The following SLC35F3 variants were observed in gnomAD, a reference collection of about 807,000 sequenced individuals.
SLC35F3 encodes solute carrier family 35 member F3.
SLC35F3 carries 25 observed loss-of-function variants against 49.9 expected under a neutral mutation model. The observed-to-expected ratio is 0.50, with a 90% CI of 0.37 to 0.70. The LOEUF (loss-of-function observed/expected upper bound fraction) is 0.70, where lower values mean the gene tolerates loss of function less well. Ranked by LOEUF, SLC35F3 falls within the 30% of genes least tolerant of loss-of-function variation. SLC35F3 has a pLI of 0.00. For synonymous variants in SLC35F3, 275 were observed against 265.4 expected, an observed-to-expected ratio of 1.04 and a Z score of -0.35; for missense variants, 525 against 639.8, an observed-to-expected ratio of 0.82 and a Z score of 1.94.
intron 2 of SLC35F3, among the ~76,000 whole-genome samples, chr1:234,172,614 C>T (rs887123013): frequency 6.6e-6 from 1 of 152,178 alleles, no homozygotes; most frequent in African/African-American, 2.4e-5. Flanking sequence ...CATCATTGTG[C>T]AAACATCATA....
At chr1:234,110,610 G>A (rs755356951) in intron 2 of SLC35F3, among the ~76,000 whole-genome samples, 19 of 152,276 alleles carry the variant, frequency 1.2e-4, no homozygotes, top group Non-Finnish European at 1.3e-4. Flanking sequence ...TTTTTAGTAA[G>A]CAAAAGAATG....
chr1:234,140,365 A>G (rs915133560), intron 2 of SLC35F3, among the ~76,000 whole-genome samples: 2 of 152,190 alleles, frequency 1.3e-5, no homozygotes, highest in Non-Finnish European at 2.9e-5. Flanking sequence ...AAATTTTATT[A>G]TAGGATATTA....
chr1:234,196,253 A>G (rs1417994522), intron 2 of SLC35F3, among the ~76,000 whole-genome samples: 1 of 152,226 alleles, frequency 6.6e-6, no homozygotes, highest in African/African-American at 2.4e-5. Context: ...CTCTTTTCCA[A>G]GAAATTTCTG....
intron 3 of SLC35F3, chr1:234,274,532 C>T (rs1230293027): frequency 1.3e-5 from 2 of 152,182 alleles, no homozygotes; most frequent in Non-Finnish European, 2.9e-5. Flanking sequence ...CAAGTGGGAT[C>T]CCTGGATAGT....
At chr1:234,236,928 TATATATATA>T (rs1667481922) in intron 3 of SLC35F3, among the ~76,000 whole-genome samples, 1 of 18,340 alleles carries the variant, frequency 5.5e-5, no homozygotes, top group East Asian at 6.0e-4. Context: ...AAAAAAATTA[TATATATATA>T]TATATATATA....
chr1:234,018,145 G>A (rs1663832637), intron 2 of SLC35F3, among the ~76,000 whole-genome samples: 1 of 152,154 alleles, frequency 6.6e-6, no homozygotes, highest in Non-Finnish European at 1.5e-5. Context: ...GTCCACAAAT[G>A]TCTGTGAAAA....
At chr1:234,290,330 AAT>A (rs1668486858) in intron 3 of SLC35F3, among the ~76,000 whole-genome samples, 1 of 152,254 alleles carries the variant, frequency 6.6e-6, no homozygotes, top group Admixed American at 6.5e-5. Context: ...AATTCTCAAA[AAT>A]GATATGATAT....
intron 2 of SLC35F3, among the ~76,000 whole-genome samples, chr1:233,983,724 T>A (rs184015785): frequency 4.4e-4 from 66 of 151,664 alleles, no homozygotes; most frequent in Non-Finnish European, 9.0e-4. Flanking sequence ...CCAATATACA[T>A]AACTTCAAAT....
chr1:234,190,676 A>G (rs1042074963), intron 2 of SLC35F3, among the ~76,000 whole-genome samples: 1 of 152,230 alleles, frequency 6.6e-6, no homozygotes, highest in Non-Finnish European at 1.5e-5. Context: ...AAAGTCAACA[A>G]AGACATACTG....
At chr1:233,996,646 T>C (rs1397157042) in intron 2 of SLC35F3, among the ~76,000 whole-genome samples, 2 of 152,160 alleles carry the variant, frequency 1.3e-5, no homozygotes, top group Non-Finnish European at 2.9e-5. Context: ...ATGGTGATCA[T>C]TTTCACTCAC....
chr1:234,268,302 A>C (rs1668034951), intron 3 of SLC35F3, among the ~76,000 whole-genome samples: 2 of 151,822 alleles, frequency 1.3e-5, no homozygotes, highest in Admixed American at 6.6e-5. Flanking sequence ...AAAAAAAACG[A>C]AAACCAGTCA....
intron 2 of SLC35F3, among the ~76,000 whole-genome samples, chr1:234,151,221 A>T (rs1315223228): frequency 6.6e-6 from 1 of 151,774 alleles, no homozygotes; most frequent in Non-Finnish European, 1.5e-5. Context: ...GAGCCAGGAA[A>T]TCCCAGAAAG....
intron 2 of SLC35F3, among the ~76,000 whole-genome samples, chr1:234,119,281 G>A (rs1038832678): frequency 6.6e-6 from 1 of 150,490 alleles, no homozygotes; most frequent in African/African-American, 2.4e-5. Context: ...GCCTTATAGG[G>A]CCTCTCAATT....
chr1:234,170,854 GC>G (rs2102918761), intron 2 of SLC35F3, among the ~76,000 whole-genome samples: 1 of 152,212 alleles, frequency 6.6e-6, no homozygotes, highest in Non-Finnish European at 1.5e-5. Context: ...CTTTGATGTG[GC>G]CTTGCCGTGG....
chr1:233,940,424 G>T (rs1662401642), intron 2 of SLC35F3, among the ~76,000 whole-genome samples: 2 of 151,820 alleles, frequency 1.3e-5, no homozygotes, highest in South Asian at 4.2e-4. Flanking sequence ...AAGTGGTTCT[G>T]CAGCACCTGC....
chr1:234,056,179 A>G (rs549170888), intron 2 of SLC35F3, among the ~76,000 whole-genome samples: 5 of 151,972 alleles, frequency 3.3e-5, no homozygotes, highest in South Asian at 2.1e-4. Context: ...TTATTCTTCA[A>G]TCACTTTATT....
intron 2 of SLC35F3, among the ~76,000 whole-genome samples, chr1:234,140,893 T>C (rs7512377): frequency 0.49 from 74,828 of 152,018 alleles, 19,797 homozygotes; most frequent in Non-Finnish European, 0.6. Context: ...GTCACCATTC[T>C]CCTGGGTTGG....
In SLC35F3 at chr1:234,262,436, T is replaced by TGCAG. The variant is rs572647757; in HGVS notation, c.608+30696_608+30697insCAGG. ...ATTAATGAAAGCCCTCTCCAGTGCCTGGCATGTGGTTGGCACTCAGGAATG... is the reference window on the plus strand; with the variant it reads ...ATTAATGAAAGCCCTCTCCAGTGCCTGCAGGGCATGTGGTTGGCACTCAGGAATG... On this transcript the variant is annotated intron_variant, in intron 3 of 7. Transcript: ENST00000366618. 3.6e-3 allele frequency among the ~76,000 whole-genome samples: 547 copies of TGCAG among 152,340 alleles called. 5 individuals are homozygous for TGCAG. The highest frequency in any genetic ancestry group is 0.012 in the African/African-American group (518 of 41,590).
intron 2 of SLC35F3, among the ~76,000 whole-genome samples, chr1:233,986,297 C>T (rs1410358645): frequency 6.6e-6 from 1 of 152,102 alleles, no homozygotes; most frequent in East Asian, 1.9e-4. Context: ...TTTTACCCAA[C>T]TTCTCTCCAC....
Sources: gnomAD v4.1 joint callset for allele counts (sites outside exome capture counted in the v4.1 genomes callset) on GRCh38, gnomAD v4.1.1 for gene constraint, MANE v1.5 for transcripts, NCBI Gene and HGNC (gene_info 2026-07-23, HGNC 2026-07-21) for gene names.